Variants in WNT5B observed in about 807,000 individuals in gnomAD.
WNT5B encodes Wnt family member 5B.
Under a neutral mutation model 36.5 loss-of-function variants are expected in WNT5B, and 18 were observed. The observed-to-expected ratio is 0.49, with a 90% CI of 0.34 to 0.73. The LOEUF (loss-of-function observed/expected upper bound fraction) is 0.73. Among genes scored for constraint, WNT5B ranks in the 30% least tolerant of loss-of-function variants. The probability of loss-of-function intolerance (pLI) is 0.01; values close to 1 mark genes in which losing one functional copy is unlikely to be tolerated. For missense variants in WNT5B, 424 were observed against 508.4 expected (o/e 0.83, Z 1.60); for synonymous variants, 213 against 212.3 (o/e 1.00, Z -0.03).
At position 1,644,112 on chromosome 12, in the gene WNT5B, C is replaced by T. The variant is rs954438338; in HGVS notation, c.622-1682C>T. 2.6e-5 allele frequency among the ~76,000 whole-genome samples: 4 copies of T among 152,300 alleles called. No homozygotes were observed. Among genetic ancestry groups the T allele is most frequent in the Admixed American group, 1.3e-4 (2 of 15,294 alleles). ...GTTTCCTCCTCTCAGCAGTGCCAGACGCCTGTCATCCATCTCTAAGCCAAG... is the reference window on the plus strand; with the variant it reads ...GTTTCCTCCTCTCAGCAGTGCCAGATGCCTGTCATCCATCTCTAAGCCAAG... On this transcript the variant is annotated intron_variant, in intron 4 of 4. Transcript: ENST00000397196. This position sits in a 1 kb window ranked among gnomAD's most constrained non-coding sequence, Gnocchi z 5.1.
chr12:1,622,286 A>G (rs1298066836), intron 1 of WNT5B, among the ~76,000 whole-genome samples: 1 of 151,622 alleles, frequency 6.6e-6, no homozygotes, highest in African/African-American at 2.4e-5. Flanking sequence ...AATTTTTTGT[A>G]TTTTTAGTAG....
chr12:1,635,928 G>GTCTGTT, intron 3 of WNT5B, among the ~76,000 whole-genome samples: 1 of 152,182 alleles, frequency 6.6e-6, no homozygotes, highest in East Asian at 1.9e-4. Flanking sequence ...ACTCAGCATG[G>GTCTGTT]TCTGTTTGTA....
At chr12:1,622,113 T>C (rs1181967336) in intron 1 of WNT5B, among the ~76,000 whole-genome samples, 1 of 144,774 alleles carries the variant, frequency 6.9e-6, no homozygotes, top group Non-Finnish European at 1.5e-5. Flanking sequence ...ACTTCTTTTT[T>C]TTTTTTTTTT....
In WNT5B at chr12:1,632,046, A is replaced by T. The variant is rs987353947; in HGVS notation, c.80+612A>T. ...AAAGGGAGAGCCTCTGAACTGGTGG[A>T]GAGTGGATGAGGGGAAGCTCAAAGT... On this transcript the variant is annotated intron_variant, in intron 2 of 4. Transcript: ENST00000397196. The surrounding 1 kb of genome is among the most constrained non-coding windows in gnomAD (Gnocchi z 5.8). Among the ~76,000 whole-genome samples the T allele has an allele frequency of 6.6e-6, 1 of 152,202 alleles. No homozygotes were observed. The highest frequency in any genetic ancestry group is 6.5e-5 in the Admixed American group (1 of 15,276).
rs1409739103 is a variant in WNT5B, at chr12:1,618,783, A to G, written c.-58+1640A>G. 6.6e-6 allele frequency among the ~76,000 whole-genome samples: 1 copy of G among 152,122 alleles called. No individual in the cohort carries two copies. Among genetic ancestry groups the G allele is most frequent in the Non-Finnish European group, 1.5e-5 (1 of 68,030 alleles). On this transcript the variant is annotated intron_variant, in intron 1 of 4. Coordinates refer to the WNT5B transcript ENST00000310594. This position sits in a 1 kb window ranked among gnomAD's most constrained non-coding sequence, Gnocchi z 4.1. ...TTCTGGGAATTGTACAGGGACCCAG[A>G]GTCTTAGGGATCTGCTCTGCCTACT...
rs897031057 is a variant in WNT5B, at chr12:1,629,242, C to T, written c.-187C>T. 18 of 152,178 alleles carry T rather than the reference C, an allele frequency of 1.2e-4. No homozygotes were observed. The highest frequency in any genetic ancestry group is 3.9e-4 in the African/African-American group (16 of 41,400). The allele number at this position is 152,178 out of a possible 1,614,324, so 9.4% of individuals were successfully genotyped here. A position where few individuals can be genotyped will look rare whatever the true frequency, so the allele number is the denominator to read the frequency against. On this transcript the variant is annotated 5_prime_UTR_variant, in exon 1 of 5. Coordinates refer to ENST00000397196, the MANE Select transcript of WNT5B (RefSeq NM_032642.3). The stretch of plus-strand genomic sequence containing the variant: ...CCTGTCCTGGGGGCAGTCACAGCCA[C>T]AGTGACCATTAGCAGGCACCCAGGC...
intron 3 of WNT5B, among the ~76,000 whole-genome samples, chr12:1,636,465 A>G (rs1316446678): frequency 1.4e-5 from 2 of 139,244 alleles, no homozygotes; most frequent in Non-Finnish European, 3.1e-5. Context: ...TTTACTTAGC[A>G]CAATGATTTA....
chr12:1,639,781 CTGCAG>C lies in WNT5B; in HGVS notation c.427_431del (p.Cys143ProfsTer67). The C allele has an allele frequency of 2.5e-6, 4 of 1,610,512 alleles. No homozygotes were observed. Among genetic ancestry groups the C allele is most frequent in the Non-Finnish European group, 3.4e-6 (4 of 1,178,422 alleles). On this transcript the variant is annotated frameshift_variant, in exon 4 of 5. Coordinates refer to ENST00000397196, the MANE Select transcript of WNT5B (RefSeq NM_032642.3). LOFTEE classifies it high-confidence loss of function. ...GCGAGGGCGAGCTCTCCACCTGCGGCTGCAGCCGGACGGCGCGGCCCAAGGACCTG... is the reference window on the plus strand; with the variant it reads ...GCGAGGGCGAGCTCTCCACCTGCGGCCCGGACGGCGCGGCCCAAGGACCTG...
intron 1 of WNT5B, among the ~76,000 whole-genome samples, chr12:1,619,096 A>G (rs2094530493): frequency 6.9e-6 from 1 of 145,756 alleles, no homozygotes; most frequent in South Asian, 2.1e-4. Context: ...CATCACTCCT[A>G]CCAAGCCCCC....
At chr12:1,643,809 T>G (rs987058206) in intron 4 of WNT5B, among the ~76,000 whole-genome samples, 2 of 149,446 alleles carry the variant, frequency 1.3e-5, no homozygotes, top group South Asian at 2.1e-4. Context: ...AGATTTTGTA[T>G]ATATACATAT....
At chr12:1,637,255 T>A (rs1477505503) in intron 3 of WNT5B, among the ~76,000 whole-genome samples, 1 of 152,234 alleles carries the variant, frequency 6.6e-6, no homozygotes, top group Non-Finnish European at 1.5e-5. Flanking sequence ...TTGCCTGTTA[T>A]GAATAATGCT....
At chr12:1,639,612 G>T in intron 3 of WNT5B, 72 bp from the exon 4 acceptor site, 8 of 1,422,164 alleles carry the variant, frequency 5.6e-6, no homozygotes, top group Non-Finnish European at 7.3e-6. Flanking sequence ...GTCCGTCGGG[G>T]GAGACGGGGG....
chr12:1,620,197 C>T (rs2094531984), intron 1 of WNT5B, among the ~76,000 whole-genome samples: 1 of 152,146 alleles, frequency 6.6e-6, no homozygotes, highest in South Asian at 2.1e-4. Flanking sequence ...TTCCTCGAGC[C>T]CCTTCCTCAT....
intron 4 of WNT5B, among the ~76,000 whole-genome samples, chr12:1,643,391 T>G (rs1292003181): frequency 6.6e-6 from 1 of 151,866 alleles, no homozygotes; most frequent in East Asian, 1.9e-4. Flanking sequence ...TGAGACGGAG[T>G]TTCGCTCTTG....
At chr12:1,620,323 G>A (rs1343598836) in intron 1 of WNT5B, among the ~76,000 whole-genome samples, 3 of 152,166 alleles carry the variant, frequency 2.0e-5, no homozygotes, top group Non-Finnish European at 4.4e-5. Context: ...GCTATGAATG[G>A]AACCATAGTT....
intron 1 of WNT5B, among the ~76,000 whole-genome samples, chr12:1,622,067 A>G (rs188633743): frequency 6.7e-6 from 1 of 148,510 alleles, no homozygotes; most frequent in African/African-American, 2.5e-5. Context: ...CAAATCCCAC[A>G]TCCTGAGTAC....
At position 1,633,861 on chromosome 12, in the gene WNT5B, C is replaced by G. The variant is rs1472835592; in HGVS notation, c.328+956C>G. On this transcript the variant is annotated intron_variant, in intron 3 of 4. Transcript: ENST00000397196. The surrounding 1 kb of genome is among the most constrained non-coding windows in gnomAD (Gnocchi z 4.8). ...CTTAGGGAGGATACTTGGAAGGCTC[C>G]TTCCCCCTCCCACTTATTCCAGACC... Among the ~76,000 whole-genome samples, 1 of 150,448 alleles carries G rather than the reference C, an allele frequency of 6.6e-6. No homozygotes were observed. The highest frequency in any genetic ancestry group is 2.0e-4 in the East Asian group (1 of 5,042).
chr12:1,624,434 C>CA (rs1260586572), upstream of WNT5B, among the ~76,000 whole-genome samples: 1 of 147,430 alleles, frequency 6.8e-6, no homozygotes, highest in Non-Finnish European at 1.5e-5. Context: ...GCTCTAGTGA[C>CA]AGGGAGGACC....
At chr12:1,626,958 C>T (rs954468628), upstream of WNT5B, among the ~76,000 whole-genome samples, 1 of 152,206 alleles carries the variant, frequency 6.6e-6, no homozygotes, top group Non-Finnish European at 1.5e-5. Flanking sequence ...AAATATTTTT[C>T]TAGCAACTCC....
Sources: allele counts gnomAD v4.1 joint callset (sites outside exome capture counted in the v4.1 genomes callset), GRCh38; gene constraint gnomAD v4.1.1; non-coding constraint Gnocchi (gnomAD v3.1); transcripts MANE v1.5; gene names NCBI Gene and HGNC (gene_info 2026-07-23, HGNC 2026-07-21).